Variants in NDST3 observed in about 807,000 individuals in gnomAD.
NDST3 encodes the protein bifunctional heparan sulfate N-deacetylase/N-sulfotransferase 3.
Under a neutral mutation model 96.1 loss-of-function variants are expected in NDST3, and 58 were observed. That is an observed-to-expected ratio of 0.60 (90% CI 0.49 to 0.75). NDST3 has a LOEUF of 0.75. NDST3 is among the 30% of genes least tolerant of loss of function. The probability of loss-of-function intolerance (pLI) is 0.00; values close to 1 mark genes in which losing one functional copy is unlikely to be tolerated. For synonymous variants in NDST3, 333 were observed against 359.7 expected, an observed-to-expected ratio of 0.93 and a Z score of 0.84; for missense variants, 788 against 1,034.2, an observed-to-expected ratio of 0.76 and a Z score of 3.27.
At chr4:118,205,902 G>A (rs927607448) in intron 6 of NDST3, among the ~76,000 whole-genome samples, 10 of 137,078 alleles carry the variant, frequency 7.3e-5, no homozygotes, top group Admixed American at 1.5e-4. Flanking sequence ...CCGCGATCTC[G>A]GCTCACTGCA....
chr4:118,161,729 T>C (rs4557347), intron 6 of NDST3, among the ~76,000 whole-genome samples: 12,051 of 152,144 alleles, frequency 0.079, 1,097 homozygotes, highest in African/African-American at 0.22. Context: ...GTCGGAAAAG[T>C]GCAGTATTAG....
At chr4:118,104,895 AC>A in intron 2 of NDST3, 122 bp from the exon 3 acceptor site, 1 of 646,874 alleles carries the variant, frequency 1.5e-6, no homozygotes, top group African/African-American at 1.8e-5. Flanking sequence ...ACTATTTTCC[AC>A]CATTTAATTC....
chr4:118,208,380 CT>C (rs1453106867), intron 6 of NDST3, among the ~76,000 whole-genome samples: 1 of 143,744 alleles, frequency 7.0e-6, no homozygotes, highest in Non-Finnish European at 1.5e-5. Context: ...TATTTCTGGT[CT>C]TTCCCCCATC....
chr4:118,094,582 C>T (rs542053417), intron 2 of NDST3, among the ~76,000 whole-genome samples: 1 of 151,804 alleles, frequency 6.6e-6, no homozygotes, highest in Admixed American at 6.6e-5. Flanking sequence ...CTCTATTTAC[C>T]CTTTAGTTAC....
rs1347081943 is a variant in NDST3 at position 118,066,472 on chromosome 4, TTATATATTATA to T, written c.981+11586_981+11596del. On this transcript the variant is annotated intron_variant, in intron 2 of 13. Transcript: ENST00000296499. ...ATATATTATATATACATTATATATG[TTATATATTATA>T]TATACATTATATATGTTATATATTA... Among the ~76,000 whole-genome samples the T allele has an allele frequency of 4.6e-4, 16 of 34,794 alleles. 3 individuals are homozygous for T. Among genetic ancestry groups the T allele is most frequent in the African/African-American group, 1.1e-3 (16 of 14,464 alleles). 22.8% of individuals were successfully genotyped at this position (34,794 alleles called of 152,430 possible). A position where few individuals can be genotyped will look rare whatever the true frequency, so the allele number is the denominator to read the frequency against.
chr4:118,118,189 G>C (rs988441986), intron 4 of NDST3, among the ~76,000 whole-genome samples: 1 of 152,114 alleles, frequency 6.6e-6, no homozygotes, highest in African/African-American at 2.4e-5. Flanking sequence ...TTCTAAATTG[G>C]ATTATATCCT....
At chr4:118,133,887 C>T (rs578118794) in intron 4 of NDST3, among the ~76,000 whole-genome samples, 11 of 152,222 alleles carry the variant, frequency 7.2e-5, no homozygotes, top group South Asian at 4.1e-4. Flanking sequence ...CTGAGTATAT[C>T]GCAGTGGATA....
intron 1 of NDST3, among the ~76,000 whole-genome samples, chr4:118,049,791 A>G (rs1451073663): frequency 1.3e-5 from 2 of 151,942 alleles, no homozygotes; most frequent in Admixed American, 6.6e-5. Flanking sequence ...TCACAGCCGA[A>G]TTGTACCAGA....
In NDST3 at chr4:118,038,595, T is replaced by C. The variant is rs1221500570; in HGVS notation, c.-156+4003T>C. Among the ~76,000 whole-genome samples the C allele has an allele frequency of 2.6e-5, 4 of 152,176 alleles. No homozygotes were observed. The South Asian group carries it at 8.3e-4, about 31-fold the overall frequency. ...ACATGACACAATTTCACACATTCTTTCCCAAAGAAAAGCTTGCCCTTGTCA... is the reference window on the plus strand; with the variant it reads ...ACATGACACAATTTCACACATTCTTCCCCAAAGAAAAGCTTGCCCTTGTCA... On this transcript the variant is annotated intron_variant, in intron 1 of 13. Transcript: ENST00000296499.
At position 118,241,909 on chromosome 4, in the gene NDST3, T is replaced by C. The variant is rs1741030562; in HGVS notation, c.2290-131T>C. ...TCATTAATGAGGATGACCTGGATTC[T>C]ATCTAACACCAATGCATGCAATTCT... On this transcript the variant is annotated intron_variant, in intron 11 of 13. Coordinates refer to ENST00000296499, the MANE Select transcript of NDST3 (RefSeq NM_004784.3). The C allele has an allele frequency of 1.1e-5, 6 of 557,488 alleles. No homozygotes were observed. The South Asian group carries it at 1.4e-4, about 13-fold the overall frequency. 34.5% of individuals were successfully genotyped at this position (557,488 alleles called of 1,614,324 possible).
Position 118,151,334 on chromosome 4 carries a change from AT to A in NDST3, c.1539+7651del, listed in dbSNP as rs1734382033. ...GCGCACCAGCATGGTACATGTATAC[AT>A]ATGTAACTAACCTGCATATTGTGCA... On this transcript the variant is annotated intron_variant, in intron 6 of 13. Transcript: ENST00000296499. 4.6e-5 allele frequency among the ~76,000 whole-genome samples: 7 copies of A among 152,252 alleles called. No individual in the cohort carries two copies. In the South Asian group the frequency reaches 1.5e-3, roughly 32 times the overall value.
At position 118,212,981 on chromosome 4, in the gene NDST3, G is replaced by T. The variant is rs552082471; in HGVS notation, c.1540-11510G>T. Among the ~76,000 whole-genome samples the T allele has an allele frequency of 6.6e-5, 10 of 152,160 alleles. 1 individual carries two copies. Among genetic ancestry groups the T allele is most frequent in the Non-Finnish European group, 1.5e-4 (10 of 68,026 alleles). The stretch of plus-strand genomic sequence containing the variant: ...CCTCACATGTAATTCATCTGGAGCT[G>T]TTAAAGCTAACATTTGCTCCCCTAT... On this transcript the variant is annotated intron_variant, in intron 6 of 13. Transcript: ENST00000296499.
At chr4:118,196,793 G>A (rs1024712387) in intron 6 of NDST3, among the ~76,000 whole-genome samples, 6 of 149,854 alleles carry the variant, frequency 4.0e-5, no homozygotes, top group Non-Finnish European at 7.4e-5. Flanking sequence ...AAAACTTTTC[G>A]ATTCATTGAT....
At chr4:118,143,827 A>C in intron 6 of NDST3, 143 bp downstream of exon 6, 1 of 816,066 alleles carries the variant, frequency 1.2e-6, no homozygotes, top group Non-Finnish European at 1.8e-6. Flanking sequence ...AACTAAATGG[A>C]ACCACATCTA....
intron 4 of NDST3, among the ~76,000 whole-genome samples, 155 bp downstream of exon 4, chr4:118,115,115 G>A (rs867736638): frequency 1.3e-5 from 2 of 152,210 alleles, no homozygotes; most frequent in Middle Eastern, 6.8e-3. Context: ...TGGCTCTTGA[G>A]TTTGTATTGA....
chr4:118,142,795 CA>C (rs1407847976), intron 5 of NDST3, among the ~76,000 whole-genome samples: 2 of 152,006 alleles, frequency 1.3e-5, no homozygotes, highest in African/African-American at 4.8e-5. Flanking sequence ...TTTATAATTG[CA>C]AAAGGCTATA....
At chr4:118,041,761 G>C (rs1724478946) in intron 1 of NDST3, among the ~76,000 whole-genome samples, 1 of 152,126 alleles carries the variant, frequency 6.6e-6, no homozygotes, top group African/African-American at 2.4e-5. Flanking sequence ...TCACTATACT[G>C]AAATGTTTAC....
chr4:118,142,351 T>A (rs1207103852), intron 5 of NDST3, among the ~76,000 whole-genome samples: 1 of 151,992 alleles, frequency 6.6e-6, no homozygotes, highest in Non-Finnish European at 1.5e-5. Context: ...GTCCAAGGAC[T>A]AGATTATACA....
intron 1 of NDST3, among the ~76,000 whole-genome samples, chr4:118,047,392 T>C (rs1724832426): frequency 6.6e-6 from 1 of 152,216 alleles, no homozygotes. Context: ...TCCCCAGCAG[T>C]GGTTCTCAAC....
Sources: allele counts gnomAD v4.1 joint callset (sites outside exome capture counted in the v4.1 genomes callset), GRCh38; gene constraint gnomAD v4.1.1; transcripts MANE v1.5; gene names NCBI Gene and HGNC (gene_info 2026-07-23, HGNC 2026-07-21).